The following MIPOL1 variants were observed in gnomAD, a reference collection of about 807,000 sequenced individuals.
MIPOL1 encodes mirror-image polydactyly 1.
In MIPOL1, 57 loss-of-function variants were observed where a neutral mutation model predicts 60.9. That is an observed-to-expected ratio of 0.94 (90% CI 0.76 to 1.17). The LOEUF is 1.17. Ranked by LOEUF, MIPOL1 falls within the 50% of genes most tolerant of loss-of-function variation. The pLI is 0.00. For missense variants in MIPOL1, 551 were observed against 511.6 expected, an observed-to-expected ratio of 1.08 and a Z score of -0.74; for synonymous variants, 179 against 168.8, an observed-to-expected ratio of 1.06 and a Z score of -0.47.
intron 7 of MIPOL1, among the ~76,000 whole-genome samples, chr14:37,297,857 TATC>T (rs1418653051): frequency 6.6e-6 from 1 of 152,024 alleles, no homozygotes; most frequent in East Asian, 1.9e-4. Context: ...GAAGAATCAA[TATC>T]ATGAAAATGG....
chr14:37,474,790 G>A (rs998507367), intron 11 of MIPOL1, among the ~76,000 whole-genome samples: 1 of 152,008 alleles, frequency 6.6e-6, no homozygotes, highest in Non-Finnish European at 1.5e-5. Context: ...ACAACAATTG[G>A]TATTTTTAGG....
At chr14:37,351,850 T>G (rs1018325324) in intron 9 of MIPOL1, among the ~76,000 whole-genome samples, 16 of 150,454 alleles carry the variant, frequency 1.1e-4, no homozygotes, top group Non-Finnish European at 1.5e-4. Flanking sequence ...TTTCTCCCAT[T>G]TTGTAGGTTG....
At chr14:37,392,868 G>A (rs2093282867) in intron 10 of MIPOL1, among the ~76,000 whole-genome samples, 1 of 152,172 alleles carries the variant, frequency 6.6e-6, no homozygotes, top group Non-Finnish European at 1.5e-5. Context: ...CTGGCTGCCT[G>A]TAGTGGTTAG....
At chr14:37,428,038 G>A (rs956669194) in intron 11 of MIPOL1, among the ~76,000 whole-genome samples, 5 of 152,104 alleles carry the variant, frequency 3.3e-5, no homozygotes, top group African/African-American at 1.2e-4. Flanking sequence ...ATTTATACAT[G>A]TATATTGTCA....
At position 37,546,966 on chromosome 14, in the gene MIPOL1, A is replaced by G; in HGVS notation, c.1324A>G (p.Ile442Val). Residue 442 changes from isoleucine (I) to valine (V), a missense_variant, in exon 13 of 13, where the codon ATC (isoleucine) becomes GTC (valine). Ile to Val is a conservative substitution (Grantham distance 29, BLOSUM62 3). Coordinates refer to ENST00000684589, the MANE Select transcript of MIPOL1 (RefSeq NM_001388067.1). ...TGGAACCGGGACCATGAGGACAGTG[A>G]TCTGATTGAAAAAAAACGACAGTCT... is the stretch of plus-strand genomic sequence containing the variant. ...KVGTGTMRTV[I>V] The G allele has an allele frequency of 6.2e-7, 1 of 1,610,896 alleles. No individual in the cohort carries two copies. The highest frequency in any genetic ancestry group is 8.5e-7 in the Non-Finnish European group (1 of 1,177,766).
intron 12 of MIPOL1, among the ~76,000 whole-genome samples, chr14:37,526,452 C>G (rs1257069705): frequency 6.6e-6 from 1 of 150,490 alleles, no homozygotes; most frequent in African/African-American, 2.4e-5. Flanking sequence ...TCACTGCAAG[C>G]TCCACCTCCC....
At chr14:37,497,393 T>C (rs545815875) in intron 11 of MIPOL1, among the ~76,000 whole-genome samples, 6 of 152,362 alleles carry the variant, frequency 3.9e-5, no homozygotes, top group Admixed American at 3.9e-4. Flanking sequence ...CGAAGCTGTC[T>C]CACTGAGTTT....
intron 7 of MIPOL1, among the ~76,000 whole-genome samples, chr14:37,300,177 A>G (rs943221632): frequency 1.3e-5 from 2 of 150,974 alleles, no homozygotes; most frequent in Non-Finnish European, 2.9e-5. Flanking sequence ...TCCTTTGTTC[A>G]TACTCTACTC....
At chr14:37,335,507 A>T (rs1264060011) in intron 9 of MIPOL1, among the ~76,000 whole-genome samples, 1 of 152,048 alleles carries the variant, frequency 6.6e-6, no homozygotes, top group Non-Finnish European at 1.5e-5. Context: ...GGAATCATAC[A>T]GTGTTTGTCC....
chr14:37,436,570 A>C (rs576561887), intron 11 of MIPOL1, among the ~76,000 whole-genome samples: 1 of 152,350 alleles, frequency 6.6e-6, no homozygotes, highest in East Asian at 1.9e-4. Context: ...CATACAGTAC[A>C]AGATCTAATA....
intron 3 of MIPOL1, among the ~76,000 whole-genome samples, chr14:37,254,015 C>T (rs1974519673): frequency 6.6e-6 from 1 of 151,584 alleles, no homozygotes; most frequent in Non-Finnish European, 1.5e-5. Context: ...TACTACTTAT[C>T]TCCATAGGAC....
chr14:37,242,292 A>G (rs1972481709), intron 1 of MIPOL1, among the ~76,000 whole-genome samples: 1 of 151,738 alleles, frequency 6.6e-6, no homozygotes, highest in Non-Finnish European at 1.5e-5. Flanking sequence ...CAGACTAACC[A>G]CTGGTAATAG....
intron 9 of MIPOL1, among the ~76,000 whole-genome samples, chr14:37,318,776 C>T (rs1475300427): frequency 6.6e-6 from 1 of 151,354 alleles, no homozygotes; most frequent in African/African-American, 2.4e-5. Flanking sequence ...TAGACATTCT[C>T]ATAATTTTAC....
chr14:37,444,981 C>G (rs2094309705), intron 11 of MIPOL1, among the ~76,000 whole-genome samples: 1 of 152,100 alleles, frequency 6.6e-6, no homozygotes, highest in Non-Finnish European at 1.5e-5. Flanking sequence ...ACTGAATGGG[C>G]AAAAACTGGA....
chr14:37,254,903 GTTTC>G (rs1483991443), intron 3 of MIPOL1, among the ~76,000 whole-genome samples: 15 of 151,586 alleles, frequency 9.9e-5, no homozygotes, highest in Non-Finnish European at 1.5e-5. Flanking sequence ...TTGTGAGTCT[GTTTC>G]TTTAGGTTAA....
chr14:37,294,821 C>T (rs1284831937), intron 7 of MIPOL1, among the ~76,000 whole-genome samples: 1 of 152,052 alleles, frequency 6.6e-6, no homozygotes, highest in Non-Finnish European at 1.5e-5. Context: ...ACCAAATCTA[C>T]ATCTAATTGG....
At chr14:37,429,741 G>A (rs1044095695) in intron 11 of MIPOL1, among the ~76,000 whole-genome samples, 1 of 151,840 alleles carries the variant, frequency 6.6e-6, no homozygotes, top group Non-Finnish European at 1.5e-5. Context: ...ATTCAGTATA[G>A]GTCCTTTTCT....
intron 11 of MIPOL1, among the ~76,000 whole-genome samples, chr14:37,474,395 G>T (rs1458487174): frequency 6.6e-6 from 1 of 152,094 alleles, no homozygotes; most frequent in Non-Finnish European, 1.5e-5. Context: ...GACCCGGTGG[G>T]AGGTAATTGA....
chr14:37,357,491 A>G (rs1595370384), intron 9 of MIPOL1, among the ~76,000 whole-genome samples: 1 of 152,092 alleles, frequency 6.6e-6, no homozygotes, highest in East Asian at 1.9e-4. Flanking sequence ...TTTGATTTGC[A>G]TTTCGTTGAT....
Sources: gnomAD v4.1 joint callset for allele counts (sites outside exome capture counted in the v4.1 genomes callset) on GRCh38, gnomAD v4.1.1 for gene constraint, MANE v1.5 for transcripts, NCBI Gene and HGNC (gene_info 2026-07-23, HGNC 2026-07-21) for gene names.